HAP1: variants seen among roughly 807,000 people sequenced by gnomAD.
The protein encoded by HAP1 is huntingtin-associated protein 1.
A neutral mutation model predicts 60.3 loss-of-function variants in HAP1; 59 were observed. The observed-to-expected ratio is 0.98, with a 90% CI of 0.79 to 1.22. The LOEUF (loss-of-function observed/expected upper bound fraction) is 1.22, where lower values mean the gene tolerates loss of function less well. Ranked by LOEUF, HAP1 falls within the 50% of genes most tolerant of loss-of-function variation. HAP1 has a pLI of 0.00. For missense variants in HAP1, 825 were observed against 785.3 expected (o/e 1.05, Z -0.60); for synonymous variants, 346 against 330.6 (o/e 1.05, Z -0.50).
rs186361801 is a variant in HAP1, at chr17:41,733,452, C to A, written c.470-654G>T. Among the ~76,000 whole-genome samples, 351 of 148,176 alleles carry A rather than the reference C, an allele frequency of 2.4e-3. 3 individuals are homozygous for A. Among genetic ancestry groups the A allele is most frequent in the Admixed American group, 7.8e-3 (113 of 14,510 alleles). On this transcript the variant is annotated intron_variant, in intron 1 of 10. Transcript: ENST00000347901. ...ACTGGGCTCTCCGGACACCTGGGTC[C>A]CTGGCGCCTAGAATGGAGACAGCCA... is the stretch of plus-strand genomic sequence containing the variant.
downstream of HAP1, among the ~76,000 whole-genome samples, chr17:41,719,650 G>A (rs749223110): frequency 2.2e-4 from 33 of 151,466 alleles, no homozygotes; most frequent in African/African-American, 7.3e-4. Flanking sequence ...CTGAGATCAC[G>A]CCATTGCACT....
chr17:41,731,731 C>CAT lies in HAP1; in HGVS notation c.908_909insAT (p.Ala304TrpfsTer19). 6.2e-7 allele frequency: 1 copy of CAT among 1,613,236 alleles called. No individual in the cohort carries two copies. Among genetic ancestry groups the CAT allele is most frequent in the Non-Finnish European group, 8.5e-7 (1 of 1,179,280 alleles). ...GGCAGTGGTGCTGGTGCAGCAATGCCTCCTGCGAAATCCTAGGGGAGGGAG... is the reference window on the plus strand; with the variant it reads ...GGCAGTGGTGCTGGTGCAGCAATGCCATTCCTGCGAAATCCTAGGGGAGGGAG... On this transcript the variant is annotated frameshift_variant, in exon 5 of 11. Coordinates refer to ENST00000347901, the MANE Select transcript of HAP1 (RefSeq NM_177977.3). LOFTEE classifies it high-confidence loss of function.
At chr17:41,726,134 G>A (rs1332926858) in intron 9 of HAP1, among the ~76,000 whole-genome samples, 3 of 152,170 alleles carry the variant, frequency 2.0e-5, no homozygotes, top group African/African-American at 7.2e-5. Context: ...GCTGGGCTTG[G>A]CCAGGTGCAG....
chr17:41,727,098 G>A lies in HAP1; in HGVS notation c.1322C>T (p.Thr441Met), dbSNP rs4523977. ...FQETLAEELR[T>M]SLRRMISDPV... Reference sequence around the variant, plus strand: ...GTCTGAGATCATCCTCCTTAGAGACGTTCTGAGCTCCTCAGCCAGCGTCTC... The same window carrying A: ...GTCTGAGATCATCCTCCTTAGAGACATTCTGAGCTCCTCAGCCAGCGTCTC... The change falls in exon 9 of 11, where the codon ACG (threonine) becomes ATG (methionine). Residue 441 changes from threonine to methionine, a missense_variant. Transcript: ENST00000347901. The A allele has an allele frequency of 0.23, 359,727 of 1,584,764 alleles. 43,780 individuals are homozygous for A. The highest frequency in any genetic ancestry group is 0.34 in the South Asian group (30,356 of 89,146).
chr17:41,724,806 G>A lies in HAP1; in HGVS notation c.1755C>T (p.Ala585=). The change falls in exon 11 of 11, where the codon GCC becomes GCT. Residue 585 remains alanine (A), a synonymous_variant. Transcript: ENST00000347901. ...TCCACCTCAGCTGCCGCCTGTAATG[G>A]GCATCTTGCCAGTTGGCCAGCTGCT... The part of the protein sequence containing the change: ...VLQQLANWQD[A]HYRRQLRWKM... 6.2e-7 allele frequency: 1 copy of A among 1,612,770 alleles called. No homozygotes were observed. The highest frequency in any genetic ancestry group is 8.5e-7 in the Non-Finnish European group (1 of 1,179,662).
At chr17:41,719,619 G>C (rs984477592), downstream of HAP1, among the ~76,000 whole-genome samples, 1 of 151,864 alleles carries the variant, frequency 6.6e-6, no homozygotes, top group African/African-American at 2.4e-5. Context: ...CTTGAGCCCA[G>C]GAGGCAGAGG....
intron 9 of HAP1, among the ~76,000 whole-genome samples, chr17:41,726,560 C>T (rs1238840027): frequency 5.3e-5 from 6 of 114,114 alleles, no homozygotes; most frequent in South Asian, 2.8e-4. Context: ...AGACTCGTCT[C>T]AAAAAAAAAA....
Position 41,722,880 on chromosome 17 carries a change from C to T in HAP1, c.*1821G>A, listed in dbSNP as rs1224782984. On this transcript the variant is annotated 3_prime_UTR_variant, in exon 11 of 11. Coordinates refer to ENST00000347901, the MANE Select transcript of HAP1 (RefSeq NM_177977.3). ...TGGGCCACGGATGGGAGCCTGGACA[C>T]CCCCAGGCCACTGGCAGAAGAGGGA... 1 of 152,318 alleles carries T rather than the reference C, an allele frequency of 6.6e-6. No homozygotes were observed. Among genetic ancestry groups the T allele is most frequent in the Non-Finnish European group, 1.5e-5 (1 of 68,294 alleles). The allele number at this position is 152,318 out of a possible 1,614,324, so 9.4% of individuals were successfully genotyped here. A position where few individuals can be genotyped will look rare whatever the true frequency, so the allele number is the denominator to read the frequency against.
chr17:41,727,152 G>A lies in HAP1; in HGVS notation c.1276-8C>T. On this transcript the variant is annotated splice_polypyrimidine_tract_variant and splice_region_variant and intron_variant, in intron 8 of 10. Transcript: ENST00000347901. ...GAAACCAGGAAGAGTCTCCTATGGTGGAGAGAACAGACGTTACCAGAGGAC... is the reference window on the plus strand; with the variant it reads ...GAAACCAGGAAGAGTCTCCTATGGTAGAGAGAACAGACGTTACCAGAGGAC... 1.3e-6 allele frequency: 2 copies of A among 1,495,582 alleles called. No homozygotes were observed. The highest frequency in any genetic ancestry group is 1.1e-5 in the South Asian group (1 of 88,456). The allele number at this position is 1,495,582 out of a possible 1,614,324, so 92.6% of individuals were successfully genotyped here. A position where few individuals can be genotyped will look rare whatever the true frequency, so the allele number is the denominator to read the frequency against.
chr17:41,719,513 TGAAA>T (rs1555586626), downstream of HAP1, among the ~76,000 whole-genome samples: 2 of 151,918 alleles, frequency 1.3e-5, no homozygotes, highest in Admixed American at 1.3e-4. Flanking sequence ...ACCAATACGG[TGAAA>T]CACTGTCTCT....
intron 1 of HAP1, 110 bp from the exon 2 acceptor site, chr17:41,732,908 G>A (rs754255332): frequency 1.4e-6 from 1 of 723,858 alleles, no homozygotes; most frequent in Non-Finnish European, 2.6e-6. Flanking sequence ...TCCAACAAGG[G>A]TCATCGGGAG....
downstream of HAP1, chr17:41,720,678 G>A (rs2143161399): frequency 6.6e-6 from 1 of 152,236 alleles, no homozygotes; most frequent in East Asian, 1.9e-4. Context: ...TTTCCTTCAG[G>A]GCCAAGTGCA....
At chr17:41,719,388 T>C (rs1045561254), downstream of HAP1, among the ~76,000 whole-genome samples, 6 of 152,152 alleles carry the variant, frequency 3.9e-5, no homozygotes, top group Non-Finnish European at 8.8e-5. Flanking sequence ...TTGCCAGAAA[T>C]ACCATGTAAA....
At chr17:41,727,963 G>A (rs1051971364) in intron 7 of HAP1, 127 bp from the exon 8 acceptor site, 38 of 714,826 alleles carry the variant, frequency 5.3e-5, no homozygotes, top group Non-Finnish European at 7.2e-5. Flanking sequence ...CAAGTCACAC[G>A]GAAGGAGGGC....
In HAP1 at chr17:41,722,665, C is replaced by G. The variant is rs1233928632; in HGVS notation, c.*2036G>C. 10 of 152,284 alleles carry G rather than the reference C, an allele frequency of 6.6e-5. No homozygotes were observed. Among genetic ancestry groups the G allele is most frequent in the African/African-American group, 2.4e-4 (10 of 41,454 alleles). 9.4% of individuals were successfully genotyped at this position (152,284 alleles called of 1,614,324 possible). On this transcript the variant is annotated 3_prime_UTR_variant, in exon 11 of 11. Transcript: ENST00000347901. Reference sequence around the variant, plus strand: ...CAGGAGGGTATAGATCCTTTATTTCCTGCACCACACGCACACAGGCTGACA... The same window carrying G: ...CAGGAGGGTATAGATCCTTTATTTCGTGCACCACACGCACACAGGCTGACA...
At position 41,734,596 on chromosome 17, in the gene HAP1, G is replaced by C. The variant is rs782256346; in HGVS notation, c.39C>G (p.Ser13Arg). The C allele has an allele frequency of 2.5e-6, 4 of 1,572,828 alleles. No homozygotes were observed. The highest frequency in any genetic ancestry group is 2.6e-6 in the Non-Finnish European group (3 of 1,160,746). The change falls in exon 1 of 11, where the codon AGC becomes AGG. Residue 13 changes from serine (S) to arginine (R), a missense_variant. Physicochemically the swap from Ser to Arg is moderately radical, Grantham distance 110 (BLOSUM62 -1). Transcript: ENST00000347901. ...CTGCTGGGTCCCCGGGTCCGAGCCG[G>C]CTCCCCGCGCAGCACCGGCCCAACC... The part of the protein sequence containing the change: ...PKRLGRCCAG[S>R]RLGPGDPAAL...
chr17:41,729,057 C>T (rs1452598550), intron 6 of HAP1, among the ~76,000 whole-genome samples: 1 of 152,054 alleles, frequency 6.6e-6, no homozygotes, highest in African/African-American at 2.4e-5. Context: ...TTTCCTGCCT[C>T]AGCCTCCCGA....
At position 41,729,549 on chromosome 17, in the gene HAP1, C is replaced by CAAAAA. The variant is rs1162563636; in HGVS notation, c.1070-1223_1070-1219dup. 8.7e-4 allele frequency among the ~76,000 whole-genome samples: 55 copies of CAAAAA among 63,104 alleles called. 15 individuals carry two copies. The highest frequency in any genetic ancestry group is 0.02 in the Middle Eastern group (1 of 50). 41.4% of individuals were successfully genotyped at this position (63,104 alleles called of 152,430 possible). ...TGGGTTACAGAGGGAGCCTCCTTCT[C>CAAAAA]AAAAAAAAAAAAAAAAAAAAAAAAA... is the stretch of plus-strand genomic sequence containing the variant. On this transcript the variant is annotated intron_variant, in intron 6 of 10. Transcript: ENST00000347901.
At position 41,727,779 on chromosome 17, in the gene HAP1, T is replaced by C; in HGVS notation, c.1258A>G (p.Met420Val). Residue 420 changes from methionine to valine, a missense_variant, in exon 8 of 11, where the codon ATG becomes GTG. Physicochemically the swap from Met to Val is conservative, Grantham distance 21. Coordinates refer to ENST00000347901, the MANE Select transcript of HAP1 (RefSeq NM_177977.3). ...KQLASEKEIQ[M>V]QLQEEETLPG... The stretch of plus-strand genomic sequence containing the variant: ...AGACTCACCTCTTCCTGGAGCTGCA[T>C]CTGGATTTCCTTCTCCGAAGCCAGC... 6.2e-7 allele frequency: 1 copy of C among 1,611,242 alleles called. No individual in the cohort carries two copies. Among genetic ancestry groups the C allele is most frequent in the Non-Finnish European group, 8.5e-7 (1 of 1,178,092 alleles).
Sources: allele counts gnomAD v4.1 joint callset (sites outside exome capture counted in the v4.1 genomes callset), GRCh38; gene constraint gnomAD v4.1.1; transcripts MANE v1.5; gene names NCBI Gene and HGNC (gene_info 2026-07-23, HGNC 2026-07-21).